The following MDGA2 variants were observed in gnomAD, a reference collection of about 807,000 sequenced individuals.
MDGA2 encodes the protein MAM domain-containing glycosylphosphatidylinositol anchor protein 2.
In MDGA2, 40 loss-of-function variants were observed where a neutral mutation model predicts 117.8. The ratio of observed to expected loss-of-function variants is 0.34; its 90% CI spans 0.26 to 0.44. The LOEUF is 0.44. Among genes scored for constraint, MDGA2 ranks in the 20% least tolerant of loss-of-function variants. The pLI is 1.00. For missense variants in MDGA2, 1,123 were observed against 1,250.6 expected (o/e 0.90, Z 1.54); for synonymous variants, 452 against 439.0 (o/e 1.03, Z -0.37).
chr14:47,277,248 A>C lies in MDGA2; in HGVS notation c.420+24163T>G, dbSNP rs183593531. Among the ~76,000 whole-genome samples the C allele has an allele frequency of 2.1e-4, 32 of 152,332 alleles. No individual in the cohort carries two copies. In the East Asian group the frequency reaches 3.3e-3, roughly 16 times the overall value. On this transcript the variant is annotated intron_variant, in intron 2 of 16. Transcript: ENST00000399232. ...TCTCTTTCATGTTAATCCTCATCTCAGAAACTGTTTCCAGGAAACCTGACC... is the reference window on the plus strand; with the variant it reads ...TCTCTTTCATGTTAATCCTCATCTCCGAAACTGTTTCCAGGAAACCTGACC...
intron 10 of MDGA2, among the ~76,000 whole-genome samples, chr14:46,905,806 A>G (rs181066585): frequency 1.3e-5 from 2 of 152,096 alleles, no homozygotes; most frequent in African/African-American, 4.8e-5. Flanking sequence ...CAAAACAAAA[A>G]AACACAAATC....
chr14:47,219,321 AACC>A (rs1365900633), intron 2 of MDGA2, among the ~76,000 whole-genome samples: 2 of 151,436 alleles, frequency 1.3e-5, no homozygotes, highest in African/African-American at 4.8e-5. Context: ...CTATAAATAT[AACC>A]ACGTTTGCCC....
Position 47,673,942 on chromosome 14 carries a change from C to T in MDGA2, c.280+575G>A, listed in dbSNP as rs185026164. Among the ~76,000 whole-genome samples, 922 of 152,108 alleles carry T rather than the reference C, an allele frequency of 6.1e-3. 6 individuals carry two copies. Among genetic ancestry groups the T allele is most frequent in the Middle Eastern group, 0.014 (4 of 294 alleles). ...ACATGTCCCTTAATTGTGTCTGGCACCGAGAATCTTGCCTGCTATTTTCCC... is the reference window on the plus strand; with the variant it reads ...ACATGTCCCTTAATTGTGTCTGGCATCGAGAATCTTGCCTGCTATTTTCCC... On this transcript the variant is annotated intron_variant, in intron 1 of 16. Coordinates refer to ENST00000399232, the MANE Select transcript of MDGA2 (RefSeq NM_001113498.3).
chr14:47,287,421 T>G (rs564142115), intron 2 of MDGA2, among the ~76,000 whole-genome samples: 5 of 152,112 alleles, frequency 3.3e-5, no homozygotes, highest in African/African-American at 9.7e-5. Flanking sequence ...TATCAACAAA[T>G]AGTTGAAAAA....
chr14:47,353,884 A>G (rs945295270), intron 1 of MDGA2, among the ~76,000 whole-genome samples: 1 of 152,216 alleles, frequency 6.6e-6, no homozygotes, highest in Non-Finnish European at 1.5e-5. Flanking sequence ...TTACTAATGA[A>G]TAAAGGTACA....
At chr14:47,182,058 G>A (rs1015374879) in intron 3 of MDGA2, among the ~76,000 whole-genome samples, 19 of 152,060 alleles carry the variant, frequency 1.2e-4, no homozygotes, top group Non-Finnish European at 2.8e-4. Context: ...AAACTTAATA[G>A]TTTAACACGT....
intron 3 of MDGA2, among the ~76,000 whole-genome samples, chr14:47,172,232 A>G (rs1348503725): frequency 6.6e-6 from 1 of 152,136 alleles, no homozygotes; most frequent in Non-Finnish European, 1.5e-5. Context: ...ACAGACAAAT[A>G]AAAAGACAGC....
At chr14:46,854,664 A>G (rs1203229742) in intron 15 of MDGA2, among the ~76,000 whole-genome samples, 1 of 151,740 alleles carries the variant, frequency 6.6e-6, no homozygotes, top group Non-Finnish European at 1.5e-5. Context: ...AAATTCAAAC[A>G]GATTGAGAAT....
chr14:47,635,996 T>C (rs1402647537), intron 1 of MDGA2, among the ~76,000 whole-genome samples: 1 of 152,168 alleles, frequency 6.6e-6, no homozygotes, highest in Non-Finnish European at 1.5e-5. Context: ...CAAATCTTCA[T>C]TCAAAAAGTT....
chr14:47,620,230 C>G (rs1007258079), intron 1 of MDGA2, among the ~76,000 whole-genome samples: 10 of 152,318 alleles, frequency 6.6e-5, no homozygotes, highest in African/African-American at 2.4e-4. Flanking sequence ...GTTTCTGATT[C>G]AAGAATACAT....
chr14:47,172,238 A>C (rs1332995265), intron 3 of MDGA2, among the ~76,000 whole-genome samples: 1 of 152,144 alleles, frequency 6.6e-6, no homozygotes, highest in Non-Finnish European at 1.5e-5. Flanking sequence ...AAATAAAAAG[A>C]CAGCAGTAAC....
intron 3 of MDGA2, chr14:47,201,034 G>A: frequency 9.0e-7 from 1 of 1,111,604 alleles, no homozygotes; most frequent in Non-Finnish European, 1.4e-6. Flanking sequence ...TACCTGTTTA[G>A]CCACAATGGC....
chr14:47,471,967 C>CT (rs1475207270), intron 1 of MDGA2, among the ~76,000 whole-genome samples: 2 of 151,908 alleles, frequency 1.3e-5, no homozygotes, highest in Non-Finnish European at 2.9e-5. Context: ...GGATAAAATG[C>CT]TTTTCATTCA....
At chr14:46,891,441 G>C (rs1201551906) in intron 10 of MDGA2, among the ~76,000 whole-genome samples, 1 of 151,328 alleles carries the variant, frequency 6.6e-6, no homozygotes, top group Non-Finnish European at 1.5e-5. Context: ...ATATTTGAAA[G>C]GTAATTGCTA....
chr14:47,372,423 T>G (rs540252807), intron 1 of MDGA2, among the ~76,000 whole-genome samples: 2 of 151,958 alleles, frequency 1.3e-5, no homozygotes, highest in South Asian at 4.1e-4. Flanking sequence ...AGGAAAAGAA[T>G]TAGCAATTCA....
At position 46,932,520 on chromosome 14, in the gene MDGA2, A is replaced by G. The variant is rs1319227679; in HGVS notation, c.2090-12360T>C. ...ATATTTTAAATATAGGATGAACATA[A>G]ATCTAGTTTTATAACCTTTCCTAAA... On this transcript the variant is annotated intron_variant, in intron 9 of 16. Transcript: ENST00000399232. 2.6e-5 allele frequency among the ~76,000 whole-genome samples: 4 copies of G among 152,124 alleles called. No homozygotes were observed. In the East Asian group the frequency reaches 5.8e-4, roughly 22 times the overall value.
chr14:47,587,513 G>A (rs1185907364), intron 1 of MDGA2, among the ~76,000 whole-genome samples: 1 of 151,712 alleles, frequency 6.6e-6, no homozygotes, highest in East Asian at 1.9e-4. Context: ...TTGTTAGGGA[G>A]GTCACTGGCT....
Position 47,342,276 on chromosome 14 carries a change from A to AAAATATGT in MDGA2, c.281-40727_281-40726insACATATTT, listed in dbSNP as rs1890650168. ...AATGTTTATATATATATATATATAT[A>AAAATATGT]TATATAAAATATGTTATATATATAA... On this transcript the variant is annotated intron_variant, in intron 1 of 16. Transcript: ENST00000399232. Among the ~76,000 whole-genome samples, 5 of 126,428 alleles carry AAAATATGT rather than the reference A, an allele frequency of 4.0e-5. No homozygotes were observed. The South Asian group carries it at 8.5e-4, about 21-fold the overall frequency. The allele number at this position is 126,428 out of a possible 152,430, so 82.9% of individuals were successfully genotyped here.
At chr14:47,606,368 C>G (rs1006947808) in intron 1 of MDGA2, among the ~76,000 whole-genome samples, 1 of 152,158 alleles carries the variant, frequency 6.6e-6, no homozygotes, top group African/African-American at 2.4e-5. Context: ...AAAAAGAAAG[C>G]TAAATTTTGA....
Sources: allele counts gnomAD v4.1 joint callset (sites outside exome capture counted in the v4.1 genomes callset), GRCh38; gene constraint gnomAD v4.1.1; transcripts MANE v1.5; gene names NCBI Gene and HGNC (gene_info 2026-07-23, HGNC 2026-07-21).